Variants in TRAIP observed in about 807,000 individuals in gnomAD.
TRAIP encodes TRAF interacting protein.
In TRAIP, 37 loss-of-function variants were observed where a neutral mutation model predicts 65.0. That is an observed-to-expected ratio of 0.57 (90% CI 0.44 to 0.75). The LOEUF (loss-of-function observed/expected upper bound fraction) is 0.75. TRAIP is among the 30% of genes least tolerant of loss of function. The pLI is 0.00. For missense variants in TRAIP, 481 were observed against 579.4 expected (o/e 0.83, Z 1.74); for synonymous variants, 187 against 219.1 (o/e 0.85, Z 1.29).
At chr3:49,847,791 G>C (rs1559451017) in intron 2 of TRAIP, among the ~76,000 whole-genome samples, 183 bp from the exon 3 acceptor site, 1 of 152,144 alleles carries the variant, frequency 6.6e-6, no homozygotes, top group Non-Finnish European at 1.5e-5. Flanking sequence ...ACCCCAAGTT[G>C]GGGCTGCTGG....
chr3:49,849,246 G>A (rs1032969812), intron 1 of TRAIP, among the ~76,000 whole-genome samples: 2 of 151,704 alleles, frequency 1.3e-5, no homozygotes, highest in African/African-American at 4.8e-5. Context: ...CTGAGCTTAA[G>A]TGCTCCTCCC....
At chr3:49,849,120 C>G (rs2081910413) in intron 1 of TRAIP, among the ~76,000 whole-genome samples, 1 of 151,532 alleles carries the variant, frequency 6.6e-6, no homozygotes, top group Admixed American at 6.6e-5. Context: ...GCTGGGATTA[C>G]AGGTATGAGC....
intron 1 of TRAIP, among the ~76,000 whole-genome samples, chr3:49,853,004 C>T (rs1470932286): frequency 6.6e-6 from 1 of 151,520 alleles, no homozygotes; most frequent in African/African-American, 2.4e-5. Context: ...TGCCTTTAGT[C>T]CCAGCTACTC....
chr3:49,836,278 A>G (rs1422222550), intron 10 of TRAIP, among the ~76,000 whole-genome samples: 1 of 151,864 alleles, frequency 6.6e-6, no homozygotes, highest in African/African-American at 2.4e-5. Flanking sequence ...ATCACTTGAG[A>G]TCAGGAATTA....
At chr3:49,832,491 G>GAAAAAAAAAA (rs113514685) in intron 10 of TRAIP, among the ~76,000 whole-genome samples, 1 of 133,998 alleles carries the variant, frequency 7.5e-6, no homozygotes, top group Non-Finnish European at 1.6e-5. Flanking sequence ...CTCCGTCTCA[G>GAAAAAAAAAA]GAAAAAAAAA....
chr3:49,850,649 C>CTTTTT (rs1186308267), intron 1 of TRAIP, among the ~76,000 whole-genome samples: 1 of 103,730 alleles, frequency 9.6e-6, no homozygotes. Flanking sequence ...TAATAGTCTG[C>CTTTTT]ATTTTTTTTT....
chr3:49,846,476 A>G (rs185187089), intron 3 of TRAIP, among the ~76,000 whole-genome samples: 1 of 152,260 alleles, frequency 6.6e-6, no homozygotes, highest in Admixed American at 6.5e-5. Context: ...CAAGCAGCAA[A>G]GTAGGCTGTA....
Position 49,844,558 on chromosome 3 carries a change from G to C in TRAIP, c.263C>G (p.Ala88Gly). The C allele has an allele frequency of 1.2e-6, 2 of 1,613,938 alleles. No individual in the cohort carries two copies. Among genetic ancestry groups the C allele is most frequent in the Non-Finnish European group, 1.7e-6 (2 of 1,179,990 alleles). Residue 88 changes from alanine to glycine, a missense_variant, in exon 4 of 15, where the codon GCC (alanine) becomes GGC (glycine). Ala to Gly is a moderately conservative substitution (Grantham distance 60). Transcript: ENST00000331456. ...FLKNELDNVR[A>G]QLSQKDKEKR... The stretch of plus-strand genomic sequence containing the variant: ...TAACTCACCTTTCTGGGAAAGCTGG[G>C]CTCTGACATTGTCCAGTTCATTCTG...
chr3:49,829,721 C>T lies in TRAIP; in HGVS notation c.1132G>A (p.Asp378Asn). The T allele has an allele frequency of 1.2e-6, 2 of 1,614,178 alleles. No homozygotes were observed. Among genetic ancestry groups the T allele is most frequent in the South Asian group, 1.1e-5 (1 of 91,084 alleles). The part of the protein sequence containing the change: ...LGGQSCAGEP[D>N]EELVGAFPIF... ...GGGAAGGCACCAACCAGTTCCTCAT[C>T]TGGCTCTCCTGCACAGCTCTGGCCA... The change falls in exon 13 of 15, where the codon GAT becomes AAT. Residue 378 changes from aspartate (D) to asparagine (N), a missense_variant. Asp to Asn is a conservative substitution (Grantham distance 23). Coordinates refer to ENST00000331456, the MANE Select transcript of TRAIP (RefSeq NM_005879.3).
In TRAIP at chr3:49,848,180, G is replaced by A. The variant is rs1042912760; in HGVS notation, c.119C>T (p.Thr40Ile). 6 of 1,614,208 alleles carry A rather than the reference G, an allele frequency of 3.7e-6. No individual in the cohort carries two copies. The highest frequency in any genetic ancestry group is 1.7e-5 in the Admixed American group (1 of 60,026). ...CTGTGGGCAGGTCCGACTTGGTGCT[G>A]TCTCAAACCACTGAATTAGGCTGGA... ...HLQCLIQWFE[T>I]APSRTCPQCR... The change falls in exon 2 of 15, where the codon ACA becomes ATA. Residue 40 changes from threonine to isoleucine, a missense_variant. Coordinates refer to ENST00000331456, the MANE Select transcript of TRAIP (RefSeq NM_005879.3).
chr3:49,849,796 A>C (rs1238839976), intron 1 of TRAIP, among the ~76,000 whole-genome samples: 1 of 149,988 alleles, frequency 6.7e-6, no homozygotes, highest in African/African-American at 2.5e-5. Flanking sequence ...TGATACCATC[A>C]TCCTGGCCTC....
At chr3:49,843,736 G>A (rs916606717) in intron 5 of TRAIP, 65 bp downstream of exon 5, 4 of 1,571,694 alleles carry the variant, frequency 2.5e-6, no homozygotes, top group Middle Eastern at 1.7e-4. Flanking sequence ...AGCCCAGAAT[G>A]GGGAGTCCAG....
At chr3:49,842,021 T>C in intron 6 of TRAIP, 82 bp from the exon 7 acceptor site, 1 of 1,135,290 alleles carries the variant, frequency 8.8e-7, no homozygotes, top group Non-Finnish European at 1.3e-6. Flanking sequence ...CTTCCTTTGC[T>C]GCCGTTGCTA....
In TRAIP at chr3:49,828,963, ACTCACC is replaced by A; in HGVS notation, c.*134_*139del. ...AGGAAGAGCAGTCTCTGGGTGCCAC[ACTCACC>A]CTCACCTGTTTGTCTGCCCTTACAC... On this transcript the variant is annotated 3_prime_UTR_variant, in exon 15 of 15. Coordinates refer to ENST00000331456, the MANE Select transcript of TRAIP (RefSeq NM_005879.3). The A allele has an allele frequency of 8.3e-7, 1 of 1,203,176 alleles. No homozygotes were observed. 74.5% of individuals were successfully genotyped at this position (1,203,176 alleles called of 1,614,324 possible).
chr3:49,844,451 CA>C, intron 4 of TRAIP, 89 bp downstream of exon 4: 9 of 1,464,934 alleles, frequency 6.1e-6, no homozygotes, highest in Non-Finnish European at 8.5e-6. Flanking sequence ...CTGGCTCTCC[CA>C]AACGGTTTGA....
intron 10 of TRAIP, among the ~76,000 whole-genome samples, chr3:49,837,945 C>T (rs1011610299): frequency 2.0e-5 from 3 of 151,880 alleles, no homozygotes; most frequent in Non-Finnish European, 4.4e-5. Context: ...TGCAGTGGCA[C>T]AATCATAGCT....
At chr3:49,833,572 C>A (rs933150713) in intron 10 of TRAIP, among the ~76,000 whole-genome samples, 2 of 151,892 alleles carry the variant, frequency 1.3e-5, no homozygotes, top group Admixed American at 1.3e-4. Context: ...CTCCGCCTTC[C>A]GGGTTCAAGC....
At chr3:49,847,265 C>G (rs2081891711) in intron 3 of TRAIP, among the ~76,000 whole-genome samples, 1 of 151,252 alleles carries the variant, frequency 6.6e-6, no homozygotes, top group African/African-American at 2.4e-5. Context: ...CCCTACAGTC[C>G]TAGCTACTAG....
chr3:49,852,647 C>T (rs1004136881), intron 1 of TRAIP, among the ~76,000 whole-genome samples: 18 of 151,520 alleles, frequency 1.2e-4, no homozygotes, highest in Non-Finnish European at 8.8e-5. Flanking sequence ...CCCAGCTACT[C>T]GGGAGGCTGA....
Sources: allele counts gnomAD v4.1 joint callset (sites outside exome capture counted in the v4.1 genomes callset), GRCh38; gene constraint gnomAD v4.1.1; transcripts MANE v1.5; gene names NCBI Gene and HGNC (gene_info 2026-07-23, HGNC 2026-07-21).